The following GPC5 variants were observed in gnomAD, a reference collection of about 807,000 sequenced individuals.
The protein encoded by GPC5 is glypican-5.
GPC5 carries 47 observed loss-of-function variants against 53.9 expected under a neutral mutation model. That is an observed-to-expected ratio of 0.87 (90% CI 0.69 to 1.11). The LOEUF (loss-of-function observed/expected upper bound fraction) is 1.11. Among genes scored for constraint, GPC5 ranks in the 50% most tolerant of loss-of-function variants. The probability of loss-of-function intolerance (pLI) is 0.00; values close to 1 mark genes in which losing one functional copy is unlikely to be tolerated. For missense variants in GPC5, 748 were observed against 713.1 expected, an observed-to-expected ratio of 1.05 and a Z score of -0.56; for synonymous variants, 286 against 263.3, an observed-to-expected ratio of 1.09 and a Z score of -0.84.
rs557351283 is a variant in GPC5, at chr13:91,720,111, C to A, written c.1021-8421C>A. On this transcript the variant is annotated intron_variant, in intron 3 of 7. Coordinates refer to ENST00000377067, the MANE Select transcript of GPC5 (RefSeq NM_004466.6). ...CATGTGGTAATGGCTACTGTCCCCCCAAAAAACAAAACAAAACAGAATCTC... is the reference window on the plus strand; with the variant it reads ...CATGTGGTAATGGCTACTGTCCCCCAAAAAAACAAAACAAAACAGAATCTC... Among the ~76,000 whole-genome samples, 198 of 152,236 alleles carry A rather than the reference C, an allele frequency of 1.3e-3. 1 individual carries two copies. Among genetic ancestry groups the A allele is most frequent in the African/African-American group, 4.6e-3 (192 of 41,534 alleles).
intron 1 of GPC5, among the ~76,000 whole-genome samples, chr13:91,427,214 C>T (rs1019282524): frequency 1.3e-5 from 2 of 152,220 alleles, no homozygotes; most frequent in African/African-American, 4.8e-5. Context: ...GGGCTGCAGT[C>T]TTCTAGACCC....
chr13:91,765,254 G>A (rs2138675839), intron 5 of GPC5, among the ~76,000 whole-genome samples: 1 of 152,274 alleles, frequency 6.6e-6, no homozygotes, highest in South Asian at 2.1e-4. Context: ...ACCAATGAAT[G>A]AGGGAATGCC....
chr13:92,284,824 C>G (rs1039490547), intron 7 of GPC5, among the ~76,000 whole-genome samples: 1 of 152,058 alleles, frequency 6.6e-6, no homozygotes, highest in Non-Finnish European at 1.5e-5. Flanking sequence ...CCCTTTGAAA[C>G]CCGGCACAAG....
At chr13:92,620,057 C>T (rs569803229) in intron 7 of GPC5, among the ~76,000 whole-genome samples, 122 of 152,088 alleles carry the variant, frequency 8.0e-4, no homozygotes, top group African/African-American at 2.8e-3. Context: ...TTATTATCCT[C>T]GGGAGCATAA....
chr13:91,810,523 T>G (rs2038293629), intron 5 of GPC5, among the ~76,000 whole-genome samples: 1 of 151,964 alleles, frequency 6.6e-6, no homozygotes. Flanking sequence ...ATTAATCAAT[T>G]TAGTTACTAC....
At position 91,879,068 on chromosome 13, in the gene GPC5, G is replaced by T. The variant is rs1190193875; in HGVS notation, c.1281-28869G>T. On this transcript the variant is annotated intron_variant, in intron 5 of 7. Coordinates refer to ENST00000377067, the MANE Select transcript of GPC5 (RefSeq NM_004466.6). Reference sequence around the variant, plus strand: ...TTTTTTATATGGCACATATCACAGAGAACTTATAACTGAAGTATTAGTTTT... The same window carrying T: ...TTTTTTATATGGCACATATCACAGATAACTTATAACTGAAGTATTAGTTTT... Among the ~76,000 whole-genome samples the T allele has an allele frequency of 4.6e-5, 7 of 151,836 alleles. No individual in the cohort carries two copies. In the South Asian group the frequency reaches 1.5e-3, roughly 32 times the overall value.
intron 4 of GPC5, among the ~76,000 whole-genome samples, chr13:91,750,954 G>A (rs1024453217): frequency 3.5e-5 from 5 of 144,366 alleles, no homozygotes; most frequent in Non-Finnish European, 3.0e-5. Context: ...GAGCCATTGC[G>A]CCTGGCCGGT....
intron 7 of GPC5, chr13:92,340,505 C>T (rs995201352): frequency 6.6e-6 from 1 of 152,092 alleles, no homozygotes; most frequent in Admixed American, 6.6e-5. Flanking sequence ...ACAACAGGTG[C>T]TTTGCCACTG....
intron 6 of GPC5, among the ~76,000 whole-genome samples, chr13:91,980,835 A>T (rs2040350811): frequency 6.6e-6 from 1 of 152,160 alleles, no homozygotes; most frequent in Non-Finnish European, 1.5e-5. Context: ...CCTTTATGTA[A>T]GTGGGAACGT....
At chr13:91,819,795 T>C (rs2038461998) in intron 5 of GPC5, among the ~76,000 whole-genome samples, 1 of 152,196 alleles carries the variant, frequency 6.6e-6, no homozygotes, top group African/African-American at 2.4e-5. Flanking sequence ...AAGTTTTGCA[T>C]GCTCTCAGAT....
intron 7 of GPC5, among the ~76,000 whole-genome samples, chr13:92,698,829 T>C (rs1464104848): frequency 6.6e-6 from 1 of 152,174 alleles, no homozygotes; most frequent in Non-Finnish European, 1.5e-5. Context: ...CAGCACCTGT[T>C]GTTTCCTGAC....
At chr13:91,504,735 ATTGT>A (rs777209409) in intron 2 of GPC5, among the ~76,000 whole-genome samples, 2 of 152,080 alleles carry the variant, frequency 1.3e-5, no homozygotes, top group Non-Finnish European at 2.9e-5. Context: ...AGGGAAGAAG[ATTGT>A]TTGAGGCCAA....
At chr13:91,730,732 A>G (rs1259494438) in intron 4 of GPC5, among the ~76,000 whole-genome samples, 2 of 152,202 alleles carry the variant, frequency 1.3e-5, no homozygotes, top group African/African-American at 4.8e-5. Flanking sequence ...CTTTTGGGCT[A>G]TTCTGTAAAT....
intron 7 of GPC5, among the ~76,000 whole-genome samples, chr13:92,555,042 A>G (rs1234834173): frequency 6.6e-6 from 1 of 151,244 alleles, no homozygotes; most frequent in Non-Finnish European, 1.5e-5. Context: ...TTTCAAGATT[A>G]TAAAAATCTT....
At chr13:92,545,263 T>C (rs1321454989) in intron 7 of GPC5, among the ~76,000 whole-genome samples, 3 of 152,094 alleles carry the variant, frequency 2.0e-5, no homozygotes, top group Non-Finnish European at 4.4e-5. Flanking sequence ...CATTTTTTAT[T>C]GCTGCATAGT....
intron 2 of GPC5, among the ~76,000 whole-genome samples, chr13:91,455,069 T>C (rs1362482348): frequency 1.3e-5 from 2 of 152,116 alleles, no homozygotes; most frequent in Non-Finnish European, 2.9e-5. Flanking sequence ...TTAATTTGAT[T>C]TATAAAATTC....
chr13:92,693,038 C>T (rs370765682), intron 7 of GPC5, among the ~76,000 whole-genome samples: 7 of 152,002 alleles, frequency 4.6e-5, no homozygotes, highest in African/African-American at 4.8e-5. Flanking sequence ...AAGTGTTTGG[C>T]AGTTCCTAGC....
intron 7 of GPC5, among the ~76,000 whole-genome samples, chr13:92,206,059 A>T (rs1296729058): frequency 6.6e-6 from 1 of 151,302 alleles, no homozygotes. Context: ...AAAAAAAAAA[A>T]AAAACCCAAC....
chr13:91,409,867 C>G (rs1485697822), intron 1 of GPC5, among the ~76,000 whole-genome samples: 3 of 152,168 alleles, frequency 2.0e-5, no homozygotes, highest in Non-Finnish European at 4.4e-5. Flanking sequence ...CTCCCTCCCT[C>G]CCCTCTCTAG....
Sources: gnomAD v4.1 joint callset for allele counts (sites outside exome capture counted in the v4.1 genomes callset) on GRCh38, gnomAD v4.1.1 for gene constraint, MANE v1.5 for transcripts, NCBI Gene and HGNC (gene_info 2026-07-23, HGNC 2026-07-21) for gene names.